CDH17: variants seen among roughly 807,000 people sequenced by gnomAD.
The protein encoded by CDH17 is cadherin-17.
A neutral mutation model predicts 86.3 loss-of-function variants in CDH17; 67 were observed. That is an observed-to-expected ratio of 0.78 (90% CI 0.64 to 0.95). The LOEUF is 0.95. CDH17 is among the 40% of genes least tolerant of loss of function. The pLI is 0.00. For missense variants in CDH17, 993 were observed against 1,017.6 expected (o/e 0.98, Z 0.33); for synonymous variants, 367 against 366.4 (o/e 1.00, Z -0.02).
At chr8:94,129,914 C>T (rs559087836) in intron 17 of CDH17, among the ~76,000 whole-genome samples, 48 of 152,288 alleles carry the variant, frequency 3.2e-4, no homozygotes, top group Middle Eastern at 3.4e-3. Flanking sequence ...TGGGTCTCAT[C>T]CCCAAGATAT....
chr8:94,131,079 T>C (rs1347384682), intron 15 of CDH17, 87 bp from the exon 16 acceptor site: 1 of 741,224 alleles, frequency 1.3e-6, no homozygotes, highest in Non-Finnish European at 2.4e-6. Flanking sequence ...CATACTAAGG[T>C]TGACTGGAAC....
intron 12 of CDH17, among the ~76,000 whole-genome samples, chr8:94,158,564 G>A (rs986752957): frequency 1.3e-5 from 2 of 152,118 alleles, no homozygotes; most frequent in Non-Finnish European, 2.9e-5. Flanking sequence ...ACCTGCAAAG[G>A]AACACACCAA....
intron 12 of CDH17, among the ~76,000 whole-genome samples, chr8:94,154,462 A>G (rs1812910975): frequency 6.6e-6 from 1 of 152,206 alleles, no homozygotes; most frequent in Non-Finnish European, 1.5e-5. Flanking sequence ...TCAAAACTCA[A>G]GCCCCCAAAT....
chr8:94,138,918 A>G (rs60706231), intron 15 of CDH17, among the ~76,000 whole-genome samples: 32,013 of 152,176 alleles, frequency 0.21, 3,858 homozygotes, highest in African/African-American at 0.31. Context: ...AAGTTCAAGA[A>G]TATTTATGGG....
At chr8:94,216,024 A>G (rs1293827362) in intron 1 of CDH17, among the ~76,000 whole-genome samples, 1 of 152,148 alleles carries the variant, frequency 6.6e-6, no homozygotes. Flanking sequence ...AGCCCCTCTG[A>G]TAGTGTCTCA....
At chr8:94,157,336 T>C (rs537711834) in intron 12 of CDH17, among the ~76,000 whole-genome samples, 1 of 152,360 alleles carries the variant, frequency 6.6e-6, no homozygotes, top group African/African-American at 2.4e-5. Flanking sequence ...TTATATAGTC[T>C]ATAAAACACT....
At chr8:94,146,313 C>CATTA in intron 14 of CDH17, 146 bp from the exon 15 acceptor site, 1 of 613,180 alleles carries the variant, frequency 1.6e-6, no homozygotes, top group Non-Finnish European at 2.5e-6. Context: ...GACCTAGTTT[C>CATTA]ATTACTGGTG....
intron 12 of CDH17, among the ~76,000 whole-genome samples, chr8:94,154,620 T>C (rs1176841395): frequency 6.6e-6 from 1 of 151,866 alleles, no homozygotes; most frequent in Admixed American, 6.6e-5. Context: ...TACCCAAGAG[T>C]ACTCCCCCTC....
chr8:94,128,712 C>G (rs1812351224), intron 17 of CDH17, among the ~76,000 whole-genome samples: 1 of 152,180 alleles, frequency 6.6e-6, no homozygotes, highest in Non-Finnish European at 1.5e-5. Context: ...AATATTGATT[C>G]TATTCTTCCC....
At chr8:94,207,444 A>G (rs567803101) in intron 1 of CDH17, among the ~76,000 whole-genome samples, 15 of 152,338 alleles carry the variant, frequency 9.8e-5, no homozygotes, top group African/African-American at 3.6e-4. Flanking sequence ...CTGTGCCCAC[A>G]GGTTGGAAAA....
At chr8:94,132,587 T>C (rs1046694144) in intron 15 of CDH17, among the ~76,000 whole-genome samples, 1 of 152,202 alleles carries the variant, frequency 6.6e-6, no homozygotes, top group African/African-American at 2.4e-5. Flanking sequence ...GATGGGTAGA[T>C]TGCAGAAATG....
intron 15 of CDH17, among the ~76,000 whole-genome samples, chr8:94,137,749 T>A (rs1262512601): frequency 6.6e-6 from 1 of 152,226 alleles, no homozygotes; most frequent in Non-Finnish European, 1.5e-5. Context: ...GGAATATGTG[T>A]GTCCAGTATT....
intron 15 of CDH17, among the ~76,000 whole-genome samples, chr8:94,132,313 A>G (rs950969774): frequency 2.6e-5 from 4 of 152,146 alleles, no homozygotes; most frequent in Admixed American, 1.3e-4. Flanking sequence ...AAGTGTTCCT[A>G]TTTCTCCACA....
Position 94,195,810 on chromosome 8 carries a change from G to C in CDH17, c.-20-1105C>G, listed in dbSNP as rs141923247. Among the ~76,000 whole-genome samples, 480 of 151,612 alleles carry C rather than the reference G, an allele frequency of 3.2e-3. 2 individuals are homozygous for C. Among genetic ancestry groups the C allele is most frequent in the African/African-American group, 0.011 (443 of 41,276 alleles). On this transcript the variant is annotated intron_variant, in intron 1 of 17. Transcript: ENST00000027335. The stretch of plus-strand genomic sequence containing the variant: ...GAGTCCTGCTCTGTCGCCCAGGCTG[G>C]AGTGCAGTGGCACGATCTCAGCTTA...
At chr8:94,211,831 CTT>C, upstream of CDH17, among the ~76,000 whole-genome samples, 1 of 152,314 alleles carries the variant, frequency 6.6e-6, no homozygotes, top group Non-Finnish European at 1.5e-5. Context: ...ATGGCAGAAA[CTT>C]TGTCTTCAAT....
chr8:94,177,219 T>C (rs1337470725), intron 4 of CDH17, among the ~76,000 whole-genome samples: 3 of 152,164 alleles, frequency 2.0e-5, no homozygotes, highest in Admixed American at 6.5e-5. Flanking sequence ...CCAGCACCGA[T>C]ACAGCCTTCT....
At chr8:94,163,749 A>AT (rs1220218116) in intron 10 of CDH17, among the ~76,000 whole-genome samples, 1 of 152,222 alleles carries the variant, frequency 6.6e-6, no homozygotes, top group Non-Finnish European at 1.5e-5. Context: ...CAGGGACAGA[A>AT]TCTATTAACA....
At chr8:94,150,016 TA>T (rs1812828052) in intron 13 of CDH17, among the ~76,000 whole-genome samples, 1 of 152,190 alleles carries the variant, frequency 6.6e-6, no homozygotes, top group Non-Finnish European at 1.5e-5. Context: ...ACATTTTCTA[TA>T]ATAAAAAATA....
At chr8:94,152,415 C>T (rs947808638) in intron 12 of CDH17, among the ~76,000 whole-genome samples, 1 of 152,176 alleles carries the variant, frequency 6.6e-6, no homozygotes, top group African/African-American at 2.4e-5. Context: ...GATGGAGCCT[C>T]ATGCTCTGTC....
Sources: allele counts gnomAD v4.1 joint callset (sites outside exome capture counted in the v4.1 genomes callset), GRCh38; gene constraint gnomAD v4.1.1; transcripts MANE v1.5; gene names NCBI Gene and HGNC (gene_info 2026-07-23, HGNC 2026-07-21).